Variants in COL5A1 observed in about 807,000 individuals in gnomAD.
COL5A1 encodes the protein collagen type V alpha 1 chain.
A neutral mutation model predicts 263.7 loss-of-function variants in COL5A1; 16 were observed. The observed-to-expected ratio is 0.06, with a 90% CI of 0.04 to 0.09. The LOEUF (loss-of-function observed/expected upper bound fraction) is 0.09. Among genes scored for constraint, COL5A1 ranks in the 10% least tolerant of loss-of-function variants. The pLI, the probability that COL5A1 is intolerant of heterozygous loss-of-function variation, is 1.00. For missense variants in COL5A1, 2,036 were observed against 2,540.5 expected, an observed-to-expected ratio of 0.80 and a Z score of 4.27; for synonymous variants, 1,012 against 1,004.5, an observed-to-expected ratio of 1.01 and a Z score of -0.14.
intron 28 of COL5A1, among the ~76,000 whole-genome samples, chr9:134,781,193 G>A (rs1035836755): frequency 3.9e-5 from 6 of 152,256 alleles, no homozygotes; most frequent in Non-Finnish European, 5.9e-5. Context: ...CAGCAGGAAC[G>A]CTCTTGTTCC....
intron 1 of COL5A1, among the ~76,000 whole-genome samples, chr9:134,654,262 T>G (rs1316707792): frequency 6.8e-3 from 206 of 30,282 alleles, no homozygotes; most frequent in Middle Eastern, 0.031. Context: ...TTTTGGGCTG[T>G]AGGTGTGTAG....
At chr9:134,776,193 G>T (rs1588535922) in intron 27 of COL5A1, among the ~76,000 whole-genome samples, 1 of 152,250 alleles carries the variant, frequency 6.6e-6, no homozygotes, top group Middle Eastern at 3.4e-3. Context: ...TTTCCCTAAA[G>T]CCAGCTTCTA....
At chr9:134,826,883 G>A (rs1288331560) in intron 63 of COL5A1, among the ~76,000 whole-genome samples, 1 of 152,034 alleles carries the variant, frequency 6.6e-6, no homozygotes, top group African/African-American at 2.4e-5. Flanking sequence ...GTGGGTGCAT[G>A]TGGCTGGCAT....
At chr9:134,705,134 T>C (rs550237474) in intron 4 of COL5A1, among the ~76,000 whole-genome samples, 7 of 152,332 alleles carry the variant, frequency 4.6e-5, no homozygotes, top group South Asian at 2.1e-4. Context: ...CTAAGAGAGT[T>C]CGTTTAAACA....
At chr9:134,792,591 C>T (rs1203359834) in intron 32 of COL5A1, among the ~76,000 whole-genome samples, 1 of 152,146 alleles carries the variant, frequency 6.6e-6, no homozygotes, top group African/African-American at 2.4e-5. Context: ...TTTCGAACTC[C>T]TGACCTCAAG....
rs898132597 is a variant in COL5A1, at chr9:134,647,698, C to A, written c.109+5402C>A. On this transcript the variant is annotated intron_variant, in intron 1 of 65. Coordinates refer to ENST00000371817, the MANE Select transcript of COL5A1 (RefSeq NM_000093.5). This position sits in a 1 kb window ranked among gnomAD's most constrained non-coding sequence, Gnocchi z 5.0. The stretch of plus-strand genomic sequence containing the variant: ...CTGTGGGTTCTGCCGCAGGGCAAGC[C>A]GGGTCCAGCTGGATCCGACAATTTC... Among the ~76,000 whole-genome samples the A allele has an allele frequency of 5.9e-5, 9 of 152,178 alleles. No individual in the cohort carries two copies. Among genetic ancestry groups the A allele is most frequent in the African/African-American group, 2.2e-4 (9 of 41,450 alleles).
chr9:134,663,448 C>T (rs866624664), intron 1 of COL5A1, among the ~76,000 whole-genome samples: 1 of 152,186 alleles, frequency 6.6e-6, no homozygotes, highest in Non-Finnish European at 1.5e-5. Flanking sequence ...GCCGCCCTGG[C>T]CAACCTGGCA....
At chr9:134,689,438 A>C (rs1833194485) in intron 1 of COL5A1, among the ~76,000 whole-genome samples, 1 of 152,150 alleles carries the variant, frequency 6.6e-6, no homozygotes, top group Non-Finnish European at 1.5e-5. Context: ...AGATGTTGGG[A>C]TCTAACTCCA....
chr9:134,844,562 A>T lies in COL5A1; in HGVS notation c.*2259A>T, dbSNP rs1265303427. ...TATTTGCAGAAATTCTTTTGGTGTA[A>T]TTTTATTTTTTCCTCTCAATATATA... On this transcript the variant is annotated 3_prime_UTR_variant, in exon 66 of 66. Transcript: ENST00000371817. The T allele has an allele frequency of 6.6e-6, 1 of 152,150 alleles. No homozygotes were observed. Among genetic ancestry groups the T allele is most frequent in the African/African-American group, 2.4e-5 (1 of 41,410 alleles). The allele number at this position is 152,150 out of a possible 1,614,324, so 9.4% of individuals were successfully genotyped here.
chr9:134,703,649 T>C (rs934102057), intron 4 of COL5A1, among the ~76,000 whole-genome samples: 3 of 140,698 alleles, frequency 2.1e-5, no homozygotes, highest in African/African-American at 7.9e-5. Flanking sequence ...TTTTTTTTTT[T>C]TTTTTTGAGA....
chr9:134,750,956 T>A, intron 13 of COL5A1, 74 bp downstream of exon 13: 1 of 1,301,250 alleles, frequency 7.7e-7, no homozygotes, highest in South Asian at 1.2e-5. Context: ...AGTGAGTGAG[T>A]CAGGCTCAGA....
rs587780907 is a variant in COL5A1 at position 134,642,173 on chromosome 9, C to A, written c.-15C>A. 1.1e-3 allele frequency: 1,418 copies of A among 1,251,258 alleles called. 3 individuals are homozygous for A. The highest frequency in any genetic ancestry group is 1.1e-3 in the Non-Finnish European group (1,134 of 1,002,722). The allele number at this position is 1,251,258 out of a possible 1,614,324, so 77.5% of individuals were successfully genotyped here. A position where few individuals can be genotyped will look rare whatever the true frequency, so the allele number is the denominator to read the frequency against. ...TCCGAGCGCCCCTGTGCGCCCCGGC[C>A]CGCGCCCCGCCGGCATGGACGTCCA... is the stretch of plus-strand genomic sequence containing the variant. On this transcript the variant is annotated 5_prime_UTR_variant, in exon 1 of 66. Coordinates refer to ENST00000371817, the MANE Select transcript of COL5A1 (RefSeq NM_000093.5). The surrounding 1 kb of genome is among the most constrained non-coding windows in gnomAD (Gnocchi z 4.5).
At chr9:134,796,265 G>A (rs1837904547) in intron 34 of COL5A1, 109 bp from the exon 35 acceptor site, 2 of 1,201,686 alleles carry the variant, frequency 1.7e-6, no homozygotes, top group Non-Finnish European at 2.5e-6. Context: ...CTTCAGGGGT[G>A]CACACAGGCA....
At chr9:134,730,585 C>T (rs1043490570) in intron 7 of COL5A1, 110 bp downstream of exon 7, 121 of 1,492,988 alleles carry the variant, frequency 8.1e-5, no homozygotes, top group Non-Finnish European at 9.7e-5. Flanking sequence ...TTGGTGTCCT[C>T]GGGTGGCCCC....
rs1004894884 is a variant in COL5A1 at position 134,841,566 on chromosome 9, A to G, written c.5371-591A>G. ...TTTACCTAAGACTCCTCTAGACCAG[A>G]TGGTGTGGAAGGTCCCCACCCCTTC... On this transcript the variant is annotated intron_variant, in intron 65 of 65. Transcript: ENST00000371817. This position sits in a 1 kb window ranked among gnomAD's most constrained non-coding sequence, Gnocchi z 4.8. Among the ~76,000 whole-genome samples the G allele has an allele frequency of 5.3e-5, 8 of 152,094 alleles. No homozygotes were observed. Among genetic ancestry groups the G allele is most frequent in the African/African-American group, 1.9e-4 (8 of 41,408 alleles).
chr9:134,649,325 G>A (rs750652647), intron 1 of COL5A1: 7 of 368,766 alleles, frequency 1.9e-5, no homozygotes, highest in Middle Eastern at 3.9e-4. Context: ...CCTCATATTA[G>A]CAGTAAATGT....
At chr9:134,699,844 AG>A in intron 2 of COL5A1, 64 bp from the exon 3 acceptor site, 1 of 1,512,158 alleles carries the variant, frequency 6.6e-7, no homozygotes, top group South Asian at 1.1e-5. Context: ...GTTTGCAGAG[AG>A]CCATGGCTGG....
chr9:134,805,640 C>G (rs1397257546), intron 41 of COL5A1, among the ~76,000 whole-genome samples: 1 of 152,162 alleles, frequency 6.6e-6, no homozygotes, highest in Admixed American at 6.5e-5. Flanking sequence ...GCAGGATGGC[C>G]CTCACGATTA....
chr9:134,643,649 T>G (rs1831376006), intron 1 of COL5A1, among the ~76,000 whole-genome samples: 1 of 152,156 alleles, frequency 6.6e-6, no homozygotes, highest in Non-Finnish European at 1.5e-5. Flanking sequence ...AACTCTCTCC[T>G]GACCCTGGGC....
Sources: allele counts gnomAD v4.1 joint callset (sites outside exome capture counted in the v4.1 genomes callset), GRCh38; gene constraint gnomAD v4.1.1; non-coding constraint Gnocchi (gnomAD v3.1); transcripts MANE v1.5; gene names NCBI Gene and HGNC (gene_info 2026-07-23, HGNC 2026-07-21).